Variants in ATP6V1H observed in about 807,000 individuals in gnomAD.
The protein encoded by ATP6V1H is V-type proton ATPase subunit H.
In ATP6V1H, 39 loss-of-function variants were observed where a neutral mutation model predicts 71.7. The ratio of observed to expected loss-of-function variants is 0.54; its 90% CI spans 0.42 to 0.71. The LOEUF is 0.71. Among genes scored for constraint, ATP6V1H ranks in the 30% least tolerant of loss-of-function variants. The probability of loss-of-function intolerance (pLI) is 0.00; values close to 1 mark genes in which losing one functional copy is unlikely to be tolerated. For missense variants in ATP6V1H, 509 were observed against 594.9 expected (o/e 0.86, Z 1.50); for synonymous variants, 192 against 199.3 (o/e 0.96, Z 0.31).
chr8:53,802,489 C>CG (rs1474827876), intron 7 of ATP6V1H, among the ~76,000 whole-genome samples: 7 of 152,278 alleles, frequency 4.6e-5, no homozygotes, highest in Admixed American at 4.6e-4. Context: ...GAGGCTGAGG[C>CG]GGGGGGATTT....
At chr8:53,797,015 T>C (rs900234766) in intron 8 of ATP6V1H, among the ~76,000 whole-genome samples, 7 of 152,258 alleles carry the variant, frequency 4.6e-5, no homozygotes, top group Admixed American at 2.0e-4. Context: ...TTGGATGTTA[T>C]GTAAAACTTG....
intron 12 of ATP6V1H, chr8:53,756,195 T>G (rs2130254496): frequency 6.6e-6 from 1 of 150,492 alleles, no homozygotes; most frequent in Non-Finnish European, 1.5e-5. Context: ...CTCAGCCTCC[T>G]GAGTAGCTGG....
In ATP6V1H at chr8:53,715,911, G is replaced by C. The variant is rs999727205; in HGVS notation, c.*53C>G. On this transcript the variant is annotated 3_prime_UTR_variant, in exon 14 of 14. Coordinates refer to ENST00000359530, the MANE Select transcript of ATP6V1H (RefSeq NM_015941.4). ...GTGTTCACTCTTAACTCTAAACACA[G>C]TGCTCCCACTACTGGTTCTGCATTG... is the stretch of plus-strand genomic sequence containing the variant. 3.3e-6 allele frequency: 5 copies of C among 1,512,436 alleles called. No individual in the cohort carries two copies. Among genetic ancestry groups the C allele is most frequent in the Non-Finnish European group, 3.6e-6 (4 of 1,100,366 alleles). The allele number at this position is 1,512,436 out of a possible 1,614,324, so 93.7% of individuals were successfully genotyped here.
chr8:53,739,738 G>C lies in ATP6V1H; in HGVS notation c.1391+3839C>G, dbSNP rs373265331. ...TTAGTTGTCACTGTTTATATATTCT[G>C]CCAAATTTATGAATATAAAAATCCA... On this transcript the variant is annotated intron_variant, in intron 13 of 13. Transcript: ENST00000359530. 5 of 152,198 alleles carry C rather than the reference G, an allele frequency of 3.3e-5. No homozygotes were observed. In the East Asian group the frequency reaches 9.6e-4, roughly 29 times the overall value. 9.4% of individuals were successfully genotyped at this position (152,198 alleles called of 1,614,324 possible). A position where few individuals can be genotyped will look rare whatever the true frequency, so the allele number is the denominator to read the frequency against.
At chr8:53,732,364 T>G (rs1807053987) in intron 13 of ATP6V1H, among the ~76,000 whole-genome samples, 1 of 152,214 alleles carries the variant, frequency 6.6e-6, no homozygotes, top group South Asian at 2.1e-4. Flanking sequence ...ATCCAAAATT[T>G]ACTCTATTAA....
intron 9 of ATP6V1H, among the ~76,000 whole-genome samples, chr8:53,794,206 GTATAA>G (rs1585795389): frequency 2.0e-5 from 3 of 151,870 alleles, no homozygotes; most frequent in Non-Finnish European, 4.4e-5. Flanking sequence ...TTATAGACCA[GTATAA>G]TATGTCATTT....
At chr8:53,804,837 T>A (rs903798962) in intron 7 of ATP6V1H, among the ~76,000 whole-genome samples, 16 of 152,198 alleles carry the variant, frequency 1.1e-4, no homozygotes, top group Non-Finnish European at 2.4e-4. Flanking sequence ...AAAACACTAT[T>A]TTCACTTCTC....
intron 5 of ATP6V1H, among the ~76,000 whole-genome samples, chr8:53,816,118 C>A (rs1438189563): frequency 6.6e-6 from 1 of 152,154 alleles, no homozygotes; most frequent in Non-Finnish European, 1.5e-5. Flanking sequence ...CAGTTTATTT[C>A]ATCAGTCCTC....
intron 4 of ATP6V1H, among the ~76,000 whole-genome samples, chr8:53,824,879 A>T (rs1810779569): frequency 6.6e-6 from 1 of 151,974 alleles, no homozygotes; most frequent in Non-Finnish European, 1.5e-5. Flanking sequence ...TTAGAGAAAA[A>T]TTCAATCACA....
intron 11 of ATP6V1H, among the ~76,000 whole-genome samples, chr8:53,764,925 C>T (rs1585760577): frequency 6.6e-6 from 1 of 152,152 alleles, no homozygotes; most frequent in East Asian, 1.9e-4. Context: ...AGAGTGACAT[C>T]CCATCTCCAC....
At chr8:53,832,639 T>C (rs1167439569) in intron 3 of ATP6V1H, 1 of 161,442 alleles carries the variant, frequency 6.2e-6, no homozygotes, top group Non-Finnish European at 1.3e-5. Flanking sequence ...CAAAGTGATA[T>C]CCCTTTTAAC....
intron 11 of ATP6V1H, among the ~76,000 whole-genome samples, chr8:53,760,950 C>T (rs920513107): frequency 3.3e-5 from 5 of 152,104 alleles, no homozygotes; most frequent in African/African-American, 4.8e-5. Context: ...AAATATTTCA[C>T]GGAGTTTGGT....
intron 9 of ATP6V1H, among the ~76,000 whole-genome samples, chr8:53,779,683 T>C (rs1809027840): frequency 6.6e-6 from 1 of 152,034 alleles, no homozygotes; most frequent in Non-Finnish European, 1.5e-5. Context: ...TCTTCCCCTC[T>C]TCCTTTCCTT....
At position 53,824,514 on chromosome 8, in the gene ATP6V1H, T is replaced by G. The variant is rs796588157; in HGVS notation, c.306+4930A>C. ...AATTCAATATCATATCAAGAAAATA[T>G]GACAACATGACCAAGTGGGATTTAA... On this transcript the variant is annotated intron_variant, in intron 4 of 13. Transcript: ENST00000359530. 1.2e-4 allele frequency among the ~76,000 whole-genome samples: 18 copies of G among 152,252 alleles called. 1 individual carries two copies. The highest frequency in any genetic ancestry group is 4.1e-4 in the African/African-American group (17 of 41,562).
At chr8:53,750,676 G>C (rs1807761592) in intron 12 of ATP6V1H, among the ~76,000 whole-genome samples, 1 of 152,060 alleles carries the variant, frequency 6.6e-6, no homozygotes, top group Non-Finnish European at 1.5e-5. Context: ...ATAGAGATGG[G>C]AGAAAAGGAC....
chr8:53,798,113 T>C (rs898735132), intron 8 of ATP6V1H, among the ~76,000 whole-genome samples: 10 of 152,208 alleles, frequency 6.6e-5, no homozygotes, highest in African/African-American at 2.2e-4. Flanking sequence ...AATGTAAATT[T>C]TTCTATCTTA....
At chr8:53,781,398 T>G (rs1217485423) in intron 9 of ATP6V1H, among the ~76,000 whole-genome samples, 1 of 152,236 alleles carries the variant, frequency 6.6e-6, no homozygotes, top group East Asian at 1.9e-4. Context: ...GTTTGTTTTT[T>G]TCTTGCAAAT....
chr8:53,831,771 G>GTT (rs1811015212), intron 3 of ATP6V1H: 1 of 44,434 alleles, frequency 2.3e-5, no homozygotes. Context: ...TTTTTTTTTT[G>GTT]TATTTTTAGT....
At chr8:53,812,814 C>A (rs1292841794) in intron 6 of ATP6V1H, among the ~76,000 whole-genome samples, 2 of 152,186 alleles carry the variant, frequency 1.3e-5, no homozygotes, top group Non-Finnish European at 1.5e-5. Flanking sequence ...TCTGCCTCAG[C>A]CTGCTGAGTA....
Sources: gnomAD v4.1 joint callset for allele counts (sites outside exome capture counted in the v4.1 genomes callset) on GRCh38, gnomAD v4.1.1 for gene constraint, MANE v1.5 for transcripts, NCBI Gene and HGNC (gene_info 2026-07-23, HGNC 2026-07-21) for gene names.